MALRD1: variants seen among roughly 807,000 people sequenced by gnomAD.
MALRD1 encodes MAM and LDL-receptor class A domain-containing protein 1.
MALRD1 carries 247 observed loss-of-function variants against 242.1 expected under a neutral mutation model. The ratio of observed to expected loss-of-function variants is 1.02; its 90% CI spans 0.92 to 1.13. The LOEUF is 1.13. MALRD1 is among the 50% of genes most tolerant of loss of function. The pLI, the probability that MALRD1 is intolerant of heterozygous loss-of-function variation, is 0.00. For synonymous variants in MALRD1, 995 were observed against 866.6 expected, an observed-to-expected ratio of 1.15 and a Z score of -2.60; for missense variants, 2,989 against 2,533.1, an observed-to-expected ratio of 1.18 and a Z score of -3.86.
At chr10:19,133,581 C>G (rs981108731) in intron 8 of MALRD1, among the ~76,000 whole-genome samples, 1 of 152,082 alleles carries the variant, frequency 6.6e-6, no homozygotes, top group African/African-American at 2.4e-5. Context: ...TTTTGAAACG[C>G]AGTACTGTTT....
chr10:19,088,593 T>TA (rs1835769877), intron 4 of MALRD1, among the ~76,000 whole-genome samples: 14 of 85,736 alleles, frequency 1.6e-4, no homozygotes, highest in African/African-American at 8.6e-4. Flanking sequence ...TTATTTATTT[T>TA]TTTTTATTAT....
chr10:19,212,761 A>G (rs1837127653), intron 18 of MALRD1, among the ~76,000 whole-genome samples: 1 of 152,084 alleles, frequency 6.6e-6, no homozygotes, highest in Non-Finnish European at 1.5e-5. Context: ...CTTGGCTATT[A>G]TCAGTCACGC....
chr10:19,121,052 T>C (rs1837043609), intron 5 of MALRD1, among the ~76,000 whole-genome samples: 1 of 144,724 alleles, frequency 6.9e-6, no homozygotes. Context: ...CCTTTTTTTT[T>C]TTTTTTTTTG....
At chr10:19,476,740 G>A (rs1414532138) in intron 29 of MALRD1, among the ~76,000 whole-genome samples, 3 of 152,124 alleles carry the variant, frequency 2.0e-5, no homozygotes, top group Non-Finnish European at 2.9e-5. Flanking sequence ...ACCATTCCAG[G>A]CTGCACATAA....
At chr10:19,680,751 G>C (rs776935943) in intron 36 of MALRD1, among the ~76,000 whole-genome samples, 3 of 152,130 alleles carry the variant, frequency 2.0e-5, no homozygotes, top group Non-Finnish European at 4.4e-5. Context: ...TTGTACTTCA[G>C]TGTGTTTTTG....
intron 21 of MALRD1, among the ~76,000 whole-genome samples, chr10:19,308,361 A>G (rs1311441327): frequency 6.6e-6 from 1 of 151,500 alleles, no homozygotes; most frequent in Admixed American, 6.6e-5. Flanking sequence ...TATGTAAACT[A>G]TATGGTATAT....
chr10:19,133,843 C>T lies in MALRD1; in HGVS notation c.1111-13C>T. Reference sequence around the variant, plus strand: ...TACGGGTAATGAGTGATGTCTTTCTCTTCAAATCAAAGGAAGAAGAAATAT... The same window carrying T: ...TACGGGTAATGAGTGATGTCTTTCTTTTCAAATCAAAGGAAGAAGAAATAT... On this transcript the variant is annotated splice_polypyrimidine_tract_variant and intron_variant, in intron 8 of 39. Transcript: ENST00000454679. The T allele has an allele frequency of 8.4e-7, 1 of 1,196,062 alleles. No homozygotes were observed. Among genetic ancestry groups the T allele is most frequent in the South Asian group, 4.2e-5 (1 of 23,636 alleles). 74.1% of individuals were successfully genotyped at this position (1,196,062 alleles called of 1,614,324 possible).
chr10:19,350,546 G>A (rs998073465), intron 25 of MALRD1, among the ~76,000 whole-genome samples: 1 of 151,880 alleles, frequency 6.6e-6, no homozygotes, highest in Admixed American at 6.6e-5. Context: ...CAAAGTGAGG[G>A]GATTACAGGT....
chr10:19,167,541 G>A (rs1348080735), intron 13 of MALRD1, among the ~76,000 whole-genome samples: 3 of 152,100 alleles, frequency 2.0e-5, no homozygotes, highest in Non-Finnish European at 4.4e-5. Context: ...TGGAGCAGAT[G>A]GCTTTAGGAT....
intron 39 of MALRD1, among the ~76,000 whole-genome samples, chr10:19,733,194 A>G (rs1389368642): frequency 6.6e-6 from 1 of 152,320 alleles, no homozygotes; most frequent in East Asian, 1.9e-4. Context: ...ATTCGTTGGC[A>G]ATTCATGCCA....
At chr10:19,172,201 A>G (rs1319271422) in intron 13 of MALRD1, among the ~76,000 whole-genome samples, 2 of 147,060 alleles carry the variant, frequency 1.4e-5, no homozygotes, top group Admixed American at 7.3e-5. Flanking sequence ...ATACACATAT[A>G]TATATGTATA....
intron 29 of MALRD1, chr10:19,489,368 G>T (rs1184015209): frequency 9.2e-6 from 5 of 544,308 alleles, no homozygotes; most frequent in Non-Finnish European, 1.8e-5. Context: ...TCCAGCCTCT[G>T]ATGAAGCAGG....
chr10:19,626,239 A>G (rs1317989436), intron 36 of MALRD1, among the ~76,000 whole-genome samples: 1 of 151,960 alleles, frequency 6.6e-6, no homozygotes, highest in Non-Finnish European at 1.5e-5. Flanking sequence ...TCCCTTCAAA[A>G]AATTTCAATA....
chr10:19,568,159 A>G (rs911623166), intron 33 of MALRD1, among the ~76,000 whole-genome samples: 1 of 152,130 alleles, frequency 6.6e-6, no homozygotes, highest in African/African-American at 2.4e-5. Flanking sequence ...AAAGAAAAAA[A>G]AAGTTCTATT....
rs1833121758 is a variant in MALRD1 at position 19,692,455 on chromosome 10, C to G, written c.6218-3C>G. On this transcript the variant is annotated splice_region_variant and splice_polypyrimidine_tract_variant and intron_variant, in intron 37 of 39. Coordinates refer to ENST00000454679, the MANE Select transcript of MALRD1 (RefSeq NM_001142308.3). ...TATCTTTTTCTTTGGTTTAAAATTC[C>G]AGATACATGGACTCTCCTGGGTATT... 3.3e-6 allele frequency: 5 copies of G among 1,535,090 alleles called. No individual in the cohort carries two copies. In the East Asian group the frequency reaches 1.2e-4, roughly 38 times the overall value.
rs768202476 is a variant in MALRD1, at chr10:19,049,030, C to G, written c.92C>G (p.Ala31Gly). 41 of 1,233,796 alleles carry G rather than the reference C, an allele frequency of 3.3e-5. No homozygotes were observed. Among genetic ancestry groups the G allele is most frequent in the Non-Finnish European group, 3.7e-5 (37 of 988,152 alleles). The allele number at this position is 1,233,796 out of a possible 1,614,324, so 76.4% of individuals were successfully genotyped here. The stretch of plus-strand genomic sequence containing the variant: ...GCCTGTGTTTTCAATTCTACACTGG[C>G]TCAGCAAGGGACAGAAAGCTTTCAG... ...WIACVFNSTL[A>G]QQGTESFQCD... is the part of the protein sequence containing the mutation. The change falls in exon 1 of 40, where the codon GCT becomes GGT. Residue 31 changes from alanine to glycine, a missense_variant. Physicochemically the swap from Ala to Gly is moderately conservative, Grantham distance 60. Transcript: ENST00000454679.
At chr10:19,398,468 A>G (rs4536108) in intron 28 of MALRD1, among the ~76,000 whole-genome samples, 117,087 of 152,022 alleles carry the variant, frequency 0.77, 45,975 homozygotes, top group Non-Finnish European at 0.85. Flanking sequence ...CATAAATGAT[A>G]CTTTTGAGAC....
chr10:19,593,005 TAAAA>T (rs3069581), intron 33 of MALRD1, among the ~76,000 whole-genome samples: 1 of 144,360 alleles, frequency 6.9e-6, no homozygotes. Context: ...ATAAAATACT[TAAAA>T]AAAAAAAAAA....
chr10:19,481,345 T>A (rs1470872768), intron 29 of MALRD1, among the ~76,000 whole-genome samples: 1 of 152,192 alleles, frequency 6.6e-6, no homozygotes, highest in Admixed American at 6.6e-5. Flanking sequence ...AACCTAATTC[T>A]TTTGAACTTA....
Sources: gnomAD v4.1 joint callset for allele counts (sites outside exome capture counted in the v4.1 genomes callset) on GRCh38, gnomAD v4.1.1 for gene constraint, MANE v1.5 for transcripts, NCBI Gene and HGNC (gene_info 2026-07-23, HGNC 2026-07-21) for gene names.